Variants in RAB6B observed in about 807,000 individuals in gnomAD.
RAB6B encodes the protein RAB6B, member RAS oncogene family.
Under a neutral mutation model 31.2 loss-of-function variants are expected in RAB6B, and 7 were observed. The ratio of observed to expected loss-of-function variants is 0.22; its 90% CI spans 0.13 to 0.42. The LOEUF (loss-of-function observed/expected upper bound fraction) is 0.42, where lower values mean the gene tolerates loss of function less well. Ranked by LOEUF, RAB6B falls within the 10% of genes least tolerant of loss-of-function variation. The pLI is 1.00. For missense variants in RAB6B, 149 were observed against 280.6 expected (o/e 0.53, Z 3.35); for synonymous variants, 105 against 104.9 (o/e 1.00, Z -0.01).
At chr3:133,894,894 A>G (rs1559917142) in intron 1 of RAB6B, among the ~76,000 whole-genome samples, 1 of 152,040 alleles carries the variant, frequency 6.6e-6, no homozygotes, top group Non-Finnish European at 1.5e-5. Flanking sequence ...GCCCTTTCGC[A>G]TGGTTCCCAG....
At chr3:133,885,296 C>T (rs1052473112) in intron 1 of RAB6B, among the ~76,000 whole-genome samples, 1 of 150,486 alleles carries the variant, frequency 6.6e-6, no homozygotes, top group African/African-American at 2.5e-5. Context: ...ACCCAATGAC[C>T]AGAGTATAGG....
intron 1 of RAB6B, among the ~76,000 whole-genome samples, chr3:133,872,853 C>A (rs1453370861): frequency 1.3e-5 from 2 of 152,216 alleles, no homozygotes; most frequent in Admixed American, 1.3e-4. Context: ...GGACGCTCAG[C>A]CGCCTGGGCC....
chr3:133,848,210 C>T (rs893584149), intron 2 of RAB6B, among the ~76,000 whole-genome samples: 6 of 152,230 alleles, frequency 3.9e-5, no homozygotes, highest in Admixed American at 2.0e-4. Flanking sequence ...CAGGCGCCCA[C>T]GCCTCTGGAA....
Position 133,825,733 on chromosome 3 carries a change from T to G in RAB6B, c.*3055A>C, listed in dbSNP as rs1935551216. 6.6e-6 allele frequency: 1 copy of G among 152,200 alleles called. No homozygotes were observed. Among genetic ancestry groups the G allele is most frequent in the South Asian group, 2.1e-4 (1 of 4,832 alleles). The allele number at this position is 152,200 out of a possible 1,614,324, so 9.4% of individuals were successfully genotyped here. A position where few individuals can be genotyped will look rare whatever the true frequency, so the allele number is the denominator to read the frequency against. On this transcript the variant is annotated 3_prime_UTR_variant, in exon 8 of 8. Transcript: ENST00000285208. ...AGAACAGGAGCTTTGTTGATAAGCT[T>G]TTAAGATTCACCCCCTTCACTCCCA...
intron 2 of RAB6B, among the ~76,000 whole-genome samples, chr3:133,849,065 C>G (rs1935943518): frequency 6.6e-6 from 1 of 152,082 alleles, no homozygotes; most frequent in Non-Finnish European, 1.5e-5. Context: ...AAACAAGTTG[C>G]TTTGTATGTC....
intron 2 of RAB6B, among the ~76,000 whole-genome samples, chr3:133,863,736 T>C (rs1936195227): frequency 1.3e-5 from 2 of 152,218 alleles, no homozygotes; most frequent in African/African-American, 4.8e-5. Flanking sequence ...CCTCTTGGAA[T>C]TAGTATCTCA....
intron 4 of RAB6B, among the ~76,000 whole-genome samples, chr3:133,839,869 GGAA>G (rs1441527494): frequency 2.0e-5 from 3 of 152,150 alleles, no homozygotes; most frequent in Admixed American, 6.5e-5. Flanking sequence ...CACCCCATCT[GGAA>G]GATCACAGTG....
chr3:133,886,955 T>C (rs1483737892), intron 1 of RAB6B, among the ~76,000 whole-genome samples: 1 of 138,482 alleles, frequency 7.2e-6, no homozygotes, highest in East Asian at 2.2e-4. Flanking sequence ...ACCAACACCA[T>C]CCATTCAGCA....
chr3:133,864,490 C>G (rs1205369936), intron 2 of RAB6B, 94 bp downstream of exon 2: 26 of 1,291,878 alleles, frequency 2.0e-5, no homozygotes, highest in Non-Finnish European at 2.9e-5. Flanking sequence ...GCCTGGGAAC[C>G]CAGGGCCATT....
At chr3:133,883,263 T>G (rs1936493391) in intron 1 of RAB6B, among the ~76,000 whole-genome samples, 1 of 152,158 alleles carries the variant, frequency 6.6e-6, no homozygotes, top group South Asian at 2.1e-4. Context: ...GAAAACACCC[T>G]CCCTCAACCT....
At chr3:133,890,561 T>C (rs1172158560) in intron 1 of RAB6B, among the ~76,000 whole-genome samples, 1 of 152,088 alleles carries the variant, frequency 6.6e-6, no homozygotes, top group African/African-American at 2.4e-5. Flanking sequence ...GCCAAGATTC[T>C]TAAGATATTG....
intron 1 of RAB6B, among the ~76,000 whole-genome samples, chr3:133,878,549 C>T (rs1936427008): frequency 6.6e-6 from 1 of 152,138 alleles, no homozygotes; most frequent in Non-Finnish European, 1.5e-5. Context: ...GAAAGTCCTT[C>T]AGGAAGAAGT....
chr3:133,828,052 A>C lies in RAB6B; in HGVS notation c.*736T>G, dbSNP rs1935599644. ...GCACAGAGAACACAAGGTTGCCTGT[A>C]CCCTCAACCCCCTTCAAGGCTTTTC... On this transcript the variant is annotated 3_prime_UTR_variant, in exon 8 of 8. Coordinates refer to ENST00000285208, the MANE Select transcript of RAB6B (RefSeq NM_016577.4). 7 of 697,148 alleles carry C rather than the reference A, an allele frequency of 1.0e-5. No individual in the cohort carries two copies. 43.2% of individuals were successfully genotyped at this position (697,148 alleles called of 1,614,324 possible). A position where few individuals can be genotyped will look rare whatever the true frequency, so the allele number is the denominator to read the frequency against.
At chr3:133,884,114 G>A (rs1936506014) in intron 1 of RAB6B, among the ~76,000 whole-genome samples, 1 of 152,250 alleles carries the variant, frequency 6.6e-6, no homozygotes, top group Admixed American at 6.5e-5. Flanking sequence ...GAAAAATGCT[G>A]TAATCATTGA....
At chr3:133,835,627 G>A (rs1391589227) in intron 6 of RAB6B, among the ~76,000 whole-genome samples, 1 of 152,050 alleles carries the variant, frequency 6.6e-6, no homozygotes. Flanking sequence ...TGAACTGCTA[G>A]GTTCTGAATG....
At chr3:133,846,819 C>T (rs2107994220) in intron 2 of RAB6B, among the ~76,000 whole-genome samples, 1 of 152,314 alleles carries the variant, frequency 6.6e-6, no homozygotes, top group African/African-American at 2.4e-5. Context: ...ACAAGACACA[C>T]ACACAAAAAC....
At chr3:133,880,276 T>C (rs1033064702) in intron 1 of RAB6B, among the ~76,000 whole-genome samples, 8 of 152,306 alleles carry the variant, frequency 5.3e-5, no homozygotes, top group Non-Finnish European at 2.9e-5. Flanking sequence ...CTGCTAGTAG[T>C]GTTGATGTTA....
intron 1 of RAB6B, among the ~76,000 whole-genome samples, chr3:133,877,148 T>C (rs73217261): frequency 0.16 from 24,190 of 152,160 alleles, 2,238 homozygotes; most frequent in Middle Eastern, 0.22. Context: ...TGAAACCCAC[T>C]GGAAACCCTA....
At chr3:133,889,658 A>G (rs1936610625) in intron 1 of RAB6B, among the ~76,000 whole-genome samples, 1 of 151,544 alleles carries the variant, frequency 6.6e-6, no homozygotes, top group Non-Finnish European at 1.5e-5. Flanking sequence ...CTGGTCTCGA[A>G]CTCCTGACCT....
Sources: allele counts gnomAD v4.1 joint callset (sites outside exome capture counted in the v4.1 genomes callset), GRCh38; gene constraint gnomAD v4.1.1; transcripts MANE v1.5; gene names NCBI Gene and HGNC (gene_info 2026-07-23, HGNC 2026-07-21).